PPM1H: variants seen among roughly 807,000 people sequenced by gnomAD.
PPM1H encodes the protein protein phosphatase, Mg2+/Mn2+ dependent 1H.
PPM1H carries 27 observed loss-of-function variants against 54.9 expected under a neutral mutation model. The observed-to-expected ratio is 0.49, with a 90% CI of 0.36 to 0.68. PPM1H has a LOEUF of 0.68. PPM1H is among the 30% of genes least tolerant of loss of function. The pLI is 0.00. For missense variants in PPM1H, 596 were observed against 667.8 expected (o/e 0.89, Z 1.19); for synonymous variants, 305 against 270.8 (o/e 1.13, Z -1.24).
chr12:62,666,079 T>G (rs2075916268), intron 9 of PPM1H, among the ~76,000 whole-genome samples: 1 of 151,718 alleles, frequency 6.6e-6, no homozygotes, highest in African/African-American at 2.4e-5. Flanking sequence ...TTGTTGGCTT[T>G]CTTTTGTTTG....
At chr12:62,866,371 T>C (rs1259496062) in intron 1 of PPM1H, among the ~76,000 whole-genome samples, 1 of 152,188 alleles carries the variant, frequency 6.6e-6, no homozygotes, top group Non-Finnish European at 1.5e-5. Flanking sequence ...CTTCAAAAAG[T>C]GAAGCCTAAT....
In PPM1H at chr12:62,701,266, A is replaced by G. The variant is rs535893765; in HGVS notation, c.1074-7267T>C. On this transcript the variant is annotated intron_variant, in intron 6 of 9. Transcript: ENST00000228705. Reference sequence around the variant, plus strand: ...TTCCGGCTGATGCTCACTCACAAGCACCCCTTTCCCACCTTTGCCCTAGTG... The same window carrying G: ...TTCCGGCTGATGCTCACTCACAAGCGCCCCTTTCCCACCTTTGCCCTAGTG... 7.9e-5 allele frequency among the ~76,000 whole-genome samples: 12 copies of G among 152,072 alleles called. No individual in the cohort carries two copies. The East Asian group carries it at 2.3e-3, about 29-fold the overall frequency.
intron 8 of PPM1H, among the ~76,000 whole-genome samples, chr12:62,674,295 C>T (rs1180103335): frequency 6.6e-6 from 1 of 152,110 alleles, no homozygotes; most frequent in Non-Finnish European, 1.5e-5. Context: ...CTGGAGCTCT[C>T]AATAGTGTTT....
rs761192541 is a variant in PPM1H at position 62,788,323 on chromosome 12, G to T, written c.772C>A (p.Arg258=). 6 of 1,570,544 alleles carry T rather than the reference G, an allele frequency of 3.8e-6. No homozygotes were observed. In the African/African-American group the frequency reaches 4.1e-5, roughly 11 times the overall value. The change falls in exon 4 of 10, where the codon CGA becomes AGA. Residue 258 remains arginine (R), a synonymous_variant. Transcript: ENST00000228705. The part of the protein sequence containing the change: ...AFKEMDLQIE[R]ERSSYNISGG... ...GATATATTATATGAACTCCTCTCTCGTTCTATCTGTAGGTCCTGGAGAATA... is the reference window on the plus strand; with the variant it reads ...GATATATTATATGAACTCCTCTCTCTTTCTATCTGTAGGTCCTGGAGAATA...
At chr12:62,657,607 G>C (rs1164265647) in intron 9 of PPM1H, among the ~76,000 whole-genome samples, 4 of 152,130 alleles carry the variant, frequency 2.6e-5, no homozygotes, top group Non-Finnish European at 4.4e-5. Context: ...ACCAGTAATT[G>C]GTATGGTGAA....
intron 1 of PPM1H, among the ~76,000 whole-genome samples, chr12:62,867,292 T>C (rs1869809471): frequency 6.6e-6 from 1 of 152,160 alleles, no homozygotes; most frequent in Non-Finnish European, 1.5e-5. Context: ...AGTCATTTAC[T>C]TTATCAGTCA....
intron 3 of PPM1H, among the ~76,000 whole-genome samples, chr12:62,798,636 A>T (rs1194769080): frequency 6.6e-6 from 1 of 152,186 alleles, no homozygotes; most frequent in East Asian, 1.9e-4. Context: ...GCTTAAAGCT[A>T]AAGGTTCATG....
intron 6 of PPM1H, among the ~76,000 whole-genome samples, chr12:62,708,837 G>A (rs1036364978): frequency 6.6e-6 from 1 of 152,128 alleles, no homozygotes; most frequent in African/African-American, 2.4e-5. Context: ...TGTCAGCACA[G>A]TACCCAATAG....
chr12:62,899,515 G>A (rs1185789087), intron 1 of PPM1H, among the ~76,000 whole-genome samples: 2 of 152,230 alleles, frequency 1.3e-5, no homozygotes, highest in Admixed American at 6.5e-5. Context: ...AAACCTCAGA[G>A]ACGCACCCCT....
intron 9 of PPM1H, 53 bp downstream of exon 9, chr12:62,667,125 T>A: frequency 1.3e-6 from 2 of 1,485,598 alleles, no homozygotes; most frequent in Middle Eastern, 1.8e-4. Flanking sequence ...ATTTCAGGCA[T>A]GTCATGGAAG....
intron 5 of PPM1H, among the ~76,000 whole-genome samples, chr12:62,725,459 C>G (rs73312440): frequency 3.3e-4 from 50 of 152,346 alleles, no homozygotes; most frequent in African/African-American, 1.2e-3. Flanking sequence ...ACAGAAGAAT[C>G]TGAACAAACA....
intron 1 of PPM1H, among the ~76,000 whole-genome samples, chr12:62,866,024 A>T (rs912028632): frequency 1.3e-5 from 2 of 152,192 alleles, no homozygotes; most frequent in Non-Finnish European, 2.9e-5. Flanking sequence ...CATTTATACA[A>T]GCCAACGTCT....
intron 8 of PPM1H, among the ~76,000 whole-genome samples, chr12:62,678,988 G>A (rs931098643): frequency 1.3e-5 from 2 of 151,362 alleles, no homozygotes; most frequent in African/African-American, 4.9e-5. Context: ...CACCCAGCCC[G>A]TATACTCTTT....
intron 3 of PPM1H, among the ~76,000 whole-genome samples, chr12:62,789,343 C>T (rs1220244318): frequency 6.6e-6 from 1 of 152,180 alleles, no homozygotes; most frequent in Non-Finnish European, 1.5e-5. Flanking sequence ...GATAAATAGT[C>T]TCTTTTACAG....
chr12:62,660,420 C>T (rs1383321650), intron 9 of PPM1H, among the ~76,000 whole-genome samples: 4 of 152,218 alleles, frequency 2.6e-5, no homozygotes, highest in African/African-American at 9.6e-5. Context: ...GGAGACATCA[C>T]ACTTCCTGAC....
intron 1 of PPM1H, among the ~76,000 whole-genome samples, chr12:62,839,994 T>C (rs1337929612): frequency 6.7e-6 from 1 of 150,364 alleles, no homozygotes; most frequent in Non-Finnish European, 1.5e-5. Context: ...TGAGCTATGA[T>C]TGTGCCACCA....
chr12:62,799,136 A>G (rs1163502238), intron 3 of PPM1H, among the ~76,000 whole-genome samples: 2 of 152,244 alleles, frequency 1.3e-5, no homozygotes, highest in Non-Finnish European at 2.9e-5. Context: ...CTAAGTTTCC[A>G]AGAAAAATTT....
intron 4 of PPM1H, among the ~76,000 whole-genome samples, chr12:62,785,996 G>A (rs936385243): frequency 4.6e-5 from 7 of 152,176 alleles, no homozygotes; most frequent in African/African-American, 1.7e-4. Context: ...GCACTTCCCT[G>A]GGAGGTAGGG....
intron 9 of PPM1H, chr12:62,659,291 A>AAAAAAG: frequency 4.1e-6 from 2 of 485,148 alleles, no homozygotes; most frequent in South Asian, 4.6e-5. Context: ...AAAAAAAAAA[A>AAAAAAG]GAGAAAAACT....
Sources: gnomAD v4.1 joint callset for allele counts (sites outside exome capture counted in the v4.1 genomes callset) on GRCh38, gnomAD v4.1.1 for gene constraint, MANE v1.5 for transcripts, NCBI Gene and HGNC (gene_info 2026-07-23, HGNC 2026-07-21) for gene names.